Variants in CACNA2D3 observed in about 807,000 individuals in gnomAD.
CACNA2D3 encodes the protein calcium voltage-gated channel auxiliary subunit alpha2delta 3.
CACNA2D3 carries 60 observed loss-of-function variants against 160.6 expected under a neutral mutation model. That is an observed-to-expected ratio of 0.37 (90% confidence interval 0.30 to 0.46). The LOEUF is 0.46. CACNA2D3 is among the 20% of genes least tolerant of loss of function. The probability of loss-of-function intolerance (pLI) is 1.00; values close to 1 mark genes in which losing one functional copy is unlikely to be tolerated. For missense variants in CACNA2D3, 1,205 were observed against 1,365.0 expected (o/e 0.88, Z 1.85); for synonymous variants, 558 against 492.9 (o/e 1.13, Z -1.75).
intron 3 of CACNA2D3, among the ~76,000 whole-genome samples, chr3:54,329,901 T>C (rs1704207047): frequency 1.3e-5 from 2 of 152,196 alleles, no homozygotes; most frequent in Non-Finnish European, 2.9e-5. Context: ...TGGTCTTTAC[T>C]CAGTTTCCCA....
At chr3:54,279,642 A>G (rs1353070724) in intron 2 of CACNA2D3, among the ~76,000 whole-genome samples, 1 of 152,226 alleles carries the variant, frequency 6.6e-6, no homozygotes. Context: ...AGCAGTATGT[A>G]GTGCCAGCAG....
chr3:55,004,983 A>G (rs1329014526), intron 32 of CACNA2D3, 145 bp downstream of exon 32: 2 of 624,310 alleles, frequency 3.2e-6, no homozygotes, highest in Non-Finnish European at 5.5e-6. Context: ...AAAAAAAAAA[A>G]AAACACTTCA....
intron 31 of CACNA2D3, among the ~76,000 whole-genome samples, chr3:54,997,481 T>A (rs1274206490): frequency 6.6e-6 from 1 of 151,976 alleles, no homozygotes; most frequent in Non-Finnish European, 1.5e-5. Context: ...GTGGGGGAAG[T>A]GCTTGAGCTC....
At chr3:54,545,607 C>A (rs139299582) in intron 5 of CACNA2D3, among the ~76,000 whole-genome samples, 37 of 152,220 alleles carry the variant, frequency 2.4e-4, no homozygotes, top group African/African-American at 8.9e-4. Context: ...GATACAGTTC[C>A]TTTTATCTGC....
At chr3:55,051,713 G>A (rs376466628) in intron 35 of CACNA2D3, among the ~76,000 whole-genome samples, 31 of 152,062 alleles carry the variant, frequency 2.0e-4, no homozygotes, top group Admixed American at 3.9e-4. Flanking sequence ...CCTCGCTGCC[G>A]CCTTGCAGTT....
In CACNA2D3 at chr3:54,355,877, A is replaced by G. The variant is rs1193170540; in HGVS notation, c.322-30838A>G. Among the ~76,000 whole-genome samples, 7 of 152,310 alleles carry G rather than the reference A, an allele frequency of 4.6e-5. No individual in the cohort carries two copies. In the South Asian group the frequency reaches 6.2e-4, roughly 14 times the overall value. ...AAACTCGAGTTAGTCTGGAGACTTC[A>G]TAGTGCAAAGTGCATGTGTAGCCAA... is the stretch of plus-strand genomic sequence containing the variant. On this transcript the variant is annotated intron_variant, in intron 3 of 37. Coordinates refer to ENST00000474759, the MANE Select transcript of CACNA2D3 (RefSeq NM_018398.3).
intron 9 of CACNA2D3, among the ~76,000 whole-genome samples, chr3:54,611,224 T>C (rs768045410): frequency 1.3e-5 from 2 of 152,230 alleles, no homozygotes; most frequent in Non-Finnish European, 2.9e-5. Flanking sequence ...CTGTACTCTG[T>C]GCATGTGGTT....
chr3:54,576,282 T>G (rs1702580791), intron 8 of CACNA2D3, among the ~76,000 whole-genome samples: 1 of 152,182 alleles, frequency 6.6e-6, no homozygotes, highest in African/African-American at 2.4e-5. Context: ...TTTGGCTCTC[T>G]GGCTTTTGGA....
At chr3:54,651,599 C>T (rs1192659890) in intron 11 of CACNA2D3, among the ~76,000 whole-genome samples, 2 of 151,916 alleles carry the variant, frequency 1.3e-5, no homozygotes, top group Non-Finnish European at 2.9e-5. Context: ...TGGCTCAGGG[C>T]ACTTTTGGAA....
intron 5 of CACNA2D3, among the ~76,000 whole-genome samples, chr3:54,525,225 G>T (rs1212218316): frequency 2.6e-5 from 4 of 151,954 alleles, no homozygotes; most frequent in Admixed American, 6.6e-5. Flanking sequence ...TTTCTTAGCC[G>T]CATATATCTC....
rs575103430 is a variant in CACNA2D3, at chr3:54,821,807, A to G, written c.1398+4937A>G. On this transcript the variant is annotated intron_variant, in intron 14 of 37. Transcript: ENST00000474759. The stretch of plus-strand genomic sequence containing the variant: ...TAGAATTTGGCCTAGCTCTTATCTC[A>G]GGGTAATCAGATTTCAGCAATTGCG... Among the ~76,000 whole-genome samples, 5 of 150,774 alleles carry G rather than the reference A, an allele frequency of 3.3e-5. No homozygotes were observed. The South Asian group carries it at 8.4e-4, about 25-fold the overall frequency.
intron 2 of CACNA2D3, among the ~76,000 whole-genome samples, chr3:54,290,075 A>G (rs1447444742): frequency 6.6e-6 from 1 of 151,688 alleles, no homozygotes; most frequent in African/African-American, 2.4e-5. Flanking sequence ...AATTAAACTA[A>G]AGAGCTTCTG....
At chr3:54,124,230 A>G (rs1453907385) in intron 2 of CACNA2D3, among the ~76,000 whole-genome samples, 2 of 152,186 alleles carry the variant, frequency 1.3e-5, no homozygotes, top group African/African-American at 4.8e-5. Flanking sequence ...GAGAGTAATG[A>G]GAATGGAGAA....
intron 2 of CACNA2D3, among the ~76,000 whole-genome samples, chr3:54,131,475 G>A (rs962167597): frequency 5.3e-5 from 8 of 152,328 alleles, no homozygotes; most frequent in African/African-American, 1.9e-4. Context: ...TGCTGTGGGA[G>A]CTTGTTCAGA....
At chr3:54,546,814 G>C (rs1702073432) in intron 5 of CACNA2D3, among the ~76,000 whole-genome samples, 1 of 152,140 alleles carries the variant, frequency 6.6e-6, no homozygotes, top group Admixed American at 6.6e-5. Context: ...CTCAGAATAA[G>C]CCTAATTTGT....
intron 9 of CACNA2D3, among the ~76,000 whole-genome samples, chr3:54,609,165 G>C (rs1333275418): frequency 6.6e-6 from 1 of 152,134 alleles, no homozygotes; most frequent in Non-Finnish European, 1.5e-5. Context: ...GTTCTTATTA[G>C]AAAAAGAGGC....
intron 8 of CACNA2D3, among the ~76,000 whole-genome samples, chr3:54,575,481 T>C (rs1702565097): frequency 6.6e-6 from 1 of 152,260 alleles, no homozygotes; most frequent in Non-Finnish European, 1.5e-5. Context: ...TTTTGCCTTT[T>C]TGTTTCTTTG....
Position 54,951,831 on chromosome 3 carries a change from T to G in CACNA2D3, c.2450-16619T>G, listed in dbSNP as rs554926763. On this transcript the variant is annotated intron_variant, in intron 27 of 37. Coordinates refer to ENST00000474759, the MANE Select transcript of CACNA2D3 (RefSeq NM_018398.3). The stretch of plus-strand genomic sequence containing the variant: ...TCAGTAATTCTATTTTCTGTCTTCT[T>G]AGGACCAGCCATGCTTGTTATTTTA... Among the ~76,000 whole-genome samples the G allele has an allele frequency of 2.0e-5, 3 of 152,290 alleles. No individual in the cohort carries two copies. The South Asian group carries it at 6.2e-4, about 32-fold the overall frequency.
At chr3:54,761,920 C>CT (rs1358925174) in intron 12 of CACNA2D3, among the ~76,000 whole-genome samples, 1 of 152,170 alleles carries the variant, frequency 6.6e-6, no homozygotes, top group Admixed American at 6.5e-5. Flanking sequence ...AACAGCAGGG[C>CT]TGGTATTTCC....
Sources: gnomAD v4.1 joint callset for allele counts (sites outside exome capture counted in the v4.1 genomes callset) on GRCh38, gnomAD v4.1.1 for gene constraint, MANE v1.5 for transcripts, NCBI Gene and HGNC (gene_info 2026-07-23, HGNC 2026-07-21) for gene names.